Variants in SIM2 observed in about 807,000 individuals in gnomAD.
The protein encoded by SIM2 is SIM bHLH transcription factor 2, also known as single-minded homolog 2.
A neutral mutation model predicts 64.8 loss-of-function variants in SIM2; 28 were observed. The ratio of observed to expected loss-of-function variants is 0.43; its 90% CI spans 0.32 to 0.59. The LOEUF is 0.59. Among genes scored for constraint, SIM2 ranks in the 20% least tolerant of loss-of-function variants. The probability of loss-of-function intolerance (pLI) is 0.07; values close to 1 mark genes in which losing one functional copy is unlikely to be tolerated. For synonymous variants in SIM2, 408 were observed against 391.1 expected (o/e 1.04, Z -0.51); for missense variants, 847 against 871.4 (o/e 0.97, Z 0.35).
rs554471267 is a variant in SIM2 at position 36,738,063 on chromosome 21, G to A, written c.851-3654G>A. ...AGATTTTGAGGTTGAAGAGCTTAGC[G>A]AGCACTAGTCCTCTTGAAATCCGTG... On this transcript the variant is annotated intron_variant, in intron 7 of 10. Transcript: ENST00000290399. Among the ~76,000 whole-genome samples, 30 of 151,682 alleles carry A rather than the reference G, an allele frequency of 2.0e-4. 1 individual carries two copies. The South Asian group carries it at 5.9e-3, about 30-fold the overall frequency.
At chr21:36,735,221 T>C (rs561310669) in intron 7 of SIM2, among the ~76,000 whole-genome samples, 1 of 152,222 alleles carries the variant, frequency 6.6e-6, no homozygotes, top group East Asian at 1.9e-4. Flanking sequence ...ATGGTCAGGG[T>C]GGGCCCTGCC....
At chr21:36,701,972 G>T (rs1273781467) in intron 1 of SIM2, among the ~76,000 whole-genome samples, 7 of 152,238 alleles carry the variant, frequency 4.6e-5, no homozygotes, top group African/African-American at 1.7e-4. Flanking sequence ...TGCGGTCAAT[G>T]ATTTCAATTA....
In SIM2 at chr21:36,747,872, T is replaced by A; in HGVS notation, c.1784T>A (p.Leu595Gln). 9.5e-7 allele frequency: 1 copy of A among 1,050,136 alleles called. No individual in the cohort carries two copies. Among genetic ancestry groups the A allele is most frequent in the Non-Finnish European group, 1.2e-6 (1 of 867,796 alleles). 65.1% of individuals were successfully genotyped at this position (1,050,136 alleles called of 1,614,324 possible). ...TPEAPGAPAQ[L>Q]PFVLLNYHRV... Reference sequence around the variant, plus strand: ...GAGGCCCCGGGCGCGCCGGCGCAGCTGCCCTTCGTGCTGCTCAACTACCAC... The same window carrying A: ...GAGGCCCCGGGCGCGCCGGCGCAGCAGCCCTTCGTGCTGCTCAACTACCAC... The change falls in exon 11 of 11, where the codon CTG becomes CAG. Residue 595 changes from leucine to glutamine, a missense_variant. Physicochemically the swap from Leu to Gln is moderately radical, Grantham distance 113 (BLOSUM62 -2). Around this residue, in one of 3 missense-constraint regions of SIM2, gnomAD observed 447 missense variants for 414.6 expected, o/e 1.08. Transcript: ENST00000290399. The surrounding 1 kb of genome is among the most constrained non-coding windows in gnomAD (Gnocchi z 4.5).
chr21:36,715,598 A>G (rs1257445297), intron 3 of SIM2, among the ~76,000 whole-genome samples: 1 of 152,234 alleles, frequency 6.6e-6, no homozygotes, highest in East Asian at 1.9e-4. Flanking sequence ...ACCTTCAATG[A>G]CATTATCTTA....
Position 36,722,751 on chromosome 21 carries a change from C to T in SIM2, c.458-294C>T, listed in dbSNP as rs1232248465. ...CTGGGCCTTCCTGGAGCCCACGGCC[C>T]CCAGGAGCGGGCGACGGCAGGTGGA... On this transcript the variant is annotated intron_variant, in intron 4 of 10. Coordinates refer to ENST00000290399, the MANE Select transcript of SIM2 (RefSeq NM_005069.6). Among the ~76,000 whole-genome samples the T allele has an allele frequency of 5.3e-5, 8 of 152,196 alleles. No individual in the cohort carries two copies. In the South Asian group the frequency reaches 1.4e-3, roughly 28 times the overall value.
intron 1 of SIM2, among the ~76,000 whole-genome samples, chr21:36,704,298 C>T (rs940268881): frequency 6.6e-6 from 1 of 152,238 alleles, no homozygotes; most frequent in Non-Finnish European, 1.5e-5. Context: ...CCCTATACCC[C>T]TCAGGGCGTC....
Position 36,745,124 on chromosome 21 carries a change from C to T in SIM2, c.1564C>T (p.Pro522Ser). Reference protein sequence around the residue: ...PANTARHSLVPSYEAPAAAVR... With the variant: ...PANTARHSLVSSYEAPAAAVR... ...GAACACTGCTAGGCACAGCCTGGTG[C>T]CAAGCTACGAAGGTGGGTCAGGTCT... The change falls in exon 10 of 11, where the codon CCA becomes TCA. Residue 522 changes from proline to serine, a missense_variant. Pro to Ser is a moderately conservative substitution (Grantham distance 74). This residue lies in a region of SIM2 where 447 missense variants were observed against 414.6 expected (regional missense o/e 1.08). Transcript: ENST00000290399. This position sits in a 1 kb window ranked among gnomAD's most constrained non-coding sequence, Gnocchi z 4.8. 6.2e-7 allele frequency: 1 copy of T among 1,610,270 alleles called. No individual in the cohort carries two copies. The highest frequency in any genetic ancestry group is 8.5e-7 in the Non-Finnish European group (1 of 1,177,866).
rs1238066708 is a variant in SIM2, at chr21:36,745,381, C to T, written c.1576+245C>T. ...GACAGTATAAAGGGCAAAGGAAAAC[C>T]GAGTATCTGGCCTTCACGTAAATCC... On this transcript the variant is annotated intron_variant, in intron 10 of 10. Coordinates refer to ENST00000290399, the MANE Select transcript of SIM2 (RefSeq NM_005069.6). This position sits in a 1 kb window ranked among gnomAD's most constrained non-coding sequence, Gnocchi z 4.8. 6.5e-6 allele frequency: 9 copies of T among 1,380,826 alleles called. No individual in the cohort carries two copies. The highest frequency in any genetic ancestry group is 3.3e-5 in the South Asian group (2 of 61,210). 85.5% of individuals were successfully genotyped at this position (1,380,826 alleles called of 1,614,324 possible). A position where few individuals can be genotyped will look rare whatever the true frequency, so the allele number is the denominator to read the frequency against.
Position 36,726,145 on chromosome 21 carries a change from G to A in SIM2, c.570G>A (p.Lys190=), listed in dbSNP as rs1240589159. The change falls in exon 6 of 11, where the codon AAG becomes AAA. Residue 190 remains lysine, a synonymous_variant. Coordinates refer to ENST00000290399, the MANE Select transcript of SIM2 (RefSeq NM_005069.6). The surrounding 1 kb of genome is among the most constrained non-coding windows in gnomAD (Gnocchi z 4.5). ...YKVIHCSGYL[K]IRQYMLDMSL... is the part of the protein sequence containing the mutation. Reference sequence around the variant, plus strand: ...TCATCCACTGCAGTGGCTACTTGAAGATCAGGCAGTATATGCTGGACATGT... The same window carrying A: ...TCATCCACTGCAGTGGCTACTTGAAAATCAGGCAGTATATGCTGGACATGT... 17 of 1,613,758 alleles carry A rather than the reference G, an allele frequency of 1.1e-5. No homozygotes were observed. The highest frequency in any genetic ancestry group is 1.4e-5 in the Non-Finnish European group (17 of 1,180,038).
intron 1 of SIM2, among the ~76,000 whole-genome samples, chr21:36,707,941 G>C (rs867826678): frequency 1.8e-5 from 1 of 55,220 alleles, no homozygotes; most frequent in Non-Finnish European, 3.6e-5. Context: ...GGACGGCAGT[G>C]GGGGGCTGGG....
intron 7 of SIM2, among the ~76,000 whole-genome samples, chr21:36,732,973 G>A (rs1354913348): frequency 4.6e-5 from 7 of 152,170 alleles, no homozygotes; most frequent in Non-Finnish European, 1.0e-4. Context: ...TCTGGGACTT[G>A]GAGAGTGAAG....
chr21:36,718,734 C>A (rs866164095), intron 3 of SIM2, among the ~76,000 whole-genome samples: 2 of 152,162 alleles, frequency 1.3e-5, no homozygotes, highest in African/African-American at 4.8e-5. Context: ...TTGTCTGCCA[C>A]CCTCAGCACT....
At position 36,709,206 on chromosome 21, in the gene SIM2, C is replaced by T; in HGVS notation, c.214C>T (p.Pro72Ser). The change falls in exon 2 of 11, where the codon CCC becomes TCC. Residue 72 changes from proline to serine, a missense_variant. By Grantham distance (74) the Pro-to-Ser change is moderately conservative. This residue lies in a region of SIM2 where 397 missense variants were observed against 439.2 expected (regional missense o/e 0.90). Coordinates refer to ENST00000290399, the MANE Select transcript of SIM2 (RefSeq NM_005069.6). ...DAWGQPSRAG[P>S]LDGVAKELGS... is the part of the protein sequence containing the mutation. ...GTGGGGACAGCCGAGCCGCGCCGGG[C>T]CCCTGGACGGCGTCGCCAAGGAGCT... 6.2e-7 allele frequency: 1 copy of T among 1,610,584 alleles called. No homozygotes were observed. The highest frequency in any genetic ancestry group is 8.5e-7 in the Non-Finnish European group (1 of 1,178,878).
chr21:36,724,622 G>A (rs182050604), intron 5 of SIM2, among the ~76,000 whole-genome samples: 1 of 152,236 alleles, frequency 6.6e-6, no homozygotes, highest in African/African-American at 2.4e-5. Flanking sequence ...TTAACTGTCC[G>A]CTGTCCAATC....
intron 7 of SIM2, among the ~76,000 whole-genome samples, chr21:36,740,027 G>T (rs993917895): frequency 7.7e-6 from 1 of 129,238 alleles, no homozygotes; most frequent in Non-Finnish European, 1.8e-5. Context: ...AAGAAAGAAA[G>T]AAAGAAAGAA....
intron 3 of SIM2, among the ~76,000 whole-genome samples, chr21:36,718,105 T>C (rs536903635): frequency 5.3e-5 from 8 of 152,104 alleles, no homozygotes; most frequent in Non-Finnish European, 8.8e-5. Flanking sequence ...CCATGAATAA[T>C]GTAAAACATA....
chr21:36,743,366 C>T lies in SIM2; in HGVS notation c.999-21C>T, dbSNP rs369823231. On this transcript the variant is annotated intron_variant, in intron 8 of 10. Coordinates refer to ENST00000290399, the MANE Select transcript of SIM2 (RefSeq NM_005069.6). ...CCTCCAGCGCCTGCTGGACATGACT[C>T]GGCCCACTCTCGCCTTCCAGGGAGA... 1.9e-5 allele frequency: 30 copies of T among 1,600,466 alleles called. No homozygotes were observed. The African/African-American group carries it at 2.0e-4, about 11-fold the overall frequency.
At chr21:36,732,624 G>A (rs1472360348) in intron 7 of SIM2, among the ~76,000 whole-genome samples, 2 of 152,162 alleles carry the variant, frequency 1.3e-5, no homozygotes, top group Non-Finnish European at 2.9e-5. Context: ...CTTGACTCAT[G>A]TGGAGACTTG....
At chr21:36,741,154 A>G (rs1358126506) in intron 7 of SIM2, among the ~76,000 whole-genome samples, 1 of 152,258 alleles carries the variant, frequency 6.6e-6, no homozygotes, top group Non-Finnish European at 1.5e-5. Context: ...TAAACAACAT[A>G]GCAAATTAAT....
Sources: gnomAD v4.1 joint callset for allele counts (sites outside exome capture counted in the v4.1 genomes callset) on GRCh38, gnomAD v4.1.1 for gene constraint, gnomAD v4.1.1 regional missense constraint, Gnocchi (gnomAD v3.1) non-coding constraint, MANE v1.5 for transcripts, NCBI Gene and HGNC (gene_info 2026-07-23, HGNC 2026-07-21) for gene names.